Variants in RINL observed in about 807,000 individuals in gnomAD.
RINL encodes the protein Ras and Rab interactor like, also known as ras and Rab interactor-like protein.
A neutral mutation model predicts 58.1 loss-of-function variants in RINL; 39 were observed. The ratio of observed to expected loss-of-function variants is 0.67; its 90% CI spans 0.52 to 0.88. RINL has a LOEUF of 0.88. RINL is among the 40% of genes least tolerant of loss of function. The pLI, the probability that RINL is intolerant of heterozygous loss-of-function variation, is 0.00. For synonymous variants in RINL, 286 were observed against 323.1 expected (o/e 0.89, Z 1.23); for missense variants, 711 against 749.2 (o/e 0.95, Z 0.60).
chr19:38,873,547 G>T (rs761113438), intron 4 of RINL: 27 of 180,832 alleles, frequency 1.5e-4, no homozygotes, highest in Non-Finnish European at 2.5e-4. Flanking sequence ...TTTTGTTTTG[G>T]CAGGGTTTCC....
chr19:38,869,820 G>C lies in RINL; in HGVS notation c.1343-116C>G. 6.5e-7 allele frequency: 1 copy of C among 1,544,104 alleles called. No homozygotes were observed. The highest frequency in any genetic ancestry group is 8.8e-7 in the Non-Finnish European group (1 of 1,139,872). On this transcript the variant is annotated intron_variant, in intron 9 of 11. Transcript: ENST00000591812. The surrounding 1 kb of genome is among the most constrained non-coding windows in gnomAD (Gnocchi z 5.7). ...GCTGCCCCTCCACCTTGTCGGGCAT[G>C]ACAGCGCCTCCTACCAGAATCTTCA...
Position 38,869,296 on chromosome 19 carries a change from T to C in RINL, c.1589A>G (p.Gln530Arg), listed in dbSNP as rs1163435007. 6.2e-7 allele frequency: 1 copy of C among 1,614,100 alleles called. No individual in the cohort carries two copies. Among genetic ancestry groups the C allele is most frequent in the African/African-American group, 1.3e-5 (1 of 75,026 alleles). The change falls in exon 11 of 12, where the codon CAG (glutamine) becomes CGG (arginine). Residue 530 changes from glutamine (Q) to arginine (R), a missense_variant. Physicochemically the swap from Gln to Arg is conservative, Grantham distance 43. Coordinates refer to ENST00000591812, the MANE Select transcript of RINL (RefSeq NM_001195833.2). This position sits in a 1 kb window ranked among gnomAD's most constrained non-coding sequence, Gnocchi z 5.7. ...GTGCAGCGTCCGCCTGCGGTGCCAC[T>C]GGTGCAGGGAGGCGCGGGCCTCGGA... ...LSSEARASLH[Q>R]WHRRRTLHRK... is the part of the protein sequence containing the mutation.
chr19:38,871,315 C>A, intron 6 of RINL, 88 bp from the exon 7 acceptor site: 1 of 1,463,076 alleles, frequency 6.8e-7, no homozygotes, highest in Non-Finnish European at 9.5e-7. Context: ...TACTTCCCAG[C>A]TTCATTGCTG....
At chr19:38,871,732 G>A (rs759779075) in intron 5 of RINL, 21 bp from the exon 6 acceptor site, 3 of 1,613,884 alleles carry the variant, frequency 1.9e-6, no homozygotes, top group Non-Finnish European at 1.7e-6. Context: ...AGAGGTGGGA[G>A]CCACAGTGTC....
At chr19:38,872,344 G>C (rs1300822460) in intron 4 of RINL, among the ~76,000 whole-genome samples, 1 of 151,784 alleles carries the variant, frequency 6.6e-6, no homozygotes, top group African/African-American at 2.4e-5. Context: ...AAATTAGCTG[G>C]GCATGGTGGT....
At chr19:38,871,940 C>T in intron 4 of RINL, 70 bp from the exon 5 acceptor site, 1 of 1,177,146 alleles carries the variant, frequency 8.5e-7, no homozygotes. Context: ...CTGGGATGCT[C>T]TTGCTCCTCC....
At position 38,870,714 on chromosome 19, in the gene RINL, C is replaced by T; in HGVS notation, c.880G>A (p.Gly294Arg). The T allele has an allele frequency of 6.2e-7, 1 of 1,613,598 alleles. No homozygotes were observed. Among genetic ancestry groups the T allele is most frequent in the Non-Finnish European group, 8.5e-7 (1 of 1,179,942 alleles). ...AGCTCCGTGGCCGGGTCCCCAGACC[C>T]GTGGGGACCCCCAGAATCTGAGGCG... ...RIASDSGGPH[G>R]SGDPATELLQ... The change falls in exon 8 of 12, where the codon GGG becomes AGG. Residue 294 changes from glycine to arginine, a missense_variant. Transcript: ENST00000591812. This position sits in a 1 kb window ranked among gnomAD's most constrained non-coding sequence, Gnocchi z 5.8.
At position 38,869,458 on chromosome 19, in the gene RINL, C is replaced by T. The variant is rs890496471; in HGVS notation, c.1475-48G>A. 8 of 1,572,876 alleles carry T rather than the reference C, an allele frequency of 5.1e-6. No individual in the cohort carries two copies. The highest frequency in any genetic ancestry group is 1.8e-5 in the Admixed American group (1 of 56,262). ...GCTCCGCCCTCTCGGCTTCCCTGGT[C>T]GCCCCAAATCCCCCTGCAGTTTGCC... is the stretch of plus-strand genomic sequence containing the variant. On this transcript the variant is annotated intron_variant, in intron 10 of 11. Transcript: ENST00000591812. This position sits in a 1 kb window ranked among gnomAD's most constrained non-coding sequence, Gnocchi z 5.7.
In RINL at chr19:38,871,166, G is replaced by T. The variant is rs1398905168; in HGVS notation, c.513C>A (p.Asn171Lys). 10 of 1,614,016 alleles carry T rather than the reference G, an allele frequency of 6.2e-6. No homozygotes were observed. Among genetic ancestry groups the T allele is most frequent in the Non-Finnish European group, 8.5e-6 (10 of 1,179,962 alleles). ...DTPGKVLSIV[N>K]QLYLETHRGW... The stretch of plus-strand genomic sequence containing the variant: ...CTCTGTGGGTCTCCAGGTAGAGCTG[G>T]TTCACAATGGAAAGCACCTTCCCTG... The change falls in exon 7 of 12, where the codon AAC becomes AAA. Residue 171 changes from asparagine to lysine, a missense_variant. Asn to Lys is a moderately conservative substitution (Grantham distance 94, BLOSUM62 0). Transcript: ENST00000591812.
intron 1 of RINL, among the ~76,000 whole-genome samples, chr19:38,877,749 AG>A (rs1443976729): frequency 1.3e-5 from 2 of 152,132 alleles, no homozygotes; most frequent in Non-Finnish European, 2.9e-5. Flanking sequence ...CAGCAGTCCC[AG>A]GAGCAGGAGA....
At chr19:38,871,594 G>A (rs1362200991) in intron 6 of RINL, 53 bp downstream of exon 6, 11 of 1,528,782 alleles carry the variant, frequency 7.2e-6, no homozygotes, top group Non-Finnish European at 8.1e-6. Flanking sequence ...CATTCCCTTG[G>A]AGCAAGGAAA....
intron 1 of RINL, 34 bp from the exon 2 acceptor site, chr19:38,876,815 C>G (rs983638231): frequency 8.2e-7 from 1 of 1,224,916 alleles, no homozygotes; most frequent in Non-Finnish European, 1.2e-6. Flanking sequence ...CAAAGCTGCT[C>G]TAGCCCTCGG....
Position 38,868,984 on chromosome 19 carries a change from T to G in RINL, c.*120A>C. The G allele has an allele frequency of 3.9e-6, 3 of 772,776 alleles. No individual in the cohort carries two copies. The highest frequency in any genetic ancestry group is 2.7e-5 in the East Asian group (1 of 36,406). The allele number at this position is 772,776 out of a possible 1,614,324, so 47.9% of individuals were successfully genotyped here. A position where few individuals can be genotyped will look rare whatever the true frequency, so the allele number is the denominator to read the frequency against. On this transcript the variant is annotated 3_prime_UTR_variant, in exon 12 of 12. Transcript: ENST00000591812. ...AATTTTTGTTTTTTTTTTTTTTTGG[T>G]AGATGGGGGTCCCACTGTTTTGCCC...
At chr19:38,876,908 G>A in intron 1 of RINL, 127 bp from the exon 2 acceptor site, 2 of 610,426 alleles carry the variant, frequency 3.3e-6, no homozygotes, top group South Asian at 1.9e-5. Context: ...GCCGTGGCAG[G>A]GGTTAATTCT....
At chr19:38,877,817 T>TTCCA (rs1568390792) in intron 1 of RINL, among the ~76,000 whole-genome samples, 2 of 148,694 alleles carry the variant, frequency 1.3e-5, no homozygotes, top group African/African-American at 4.9e-5. Flanking sequence ...CCTTCCTTCC[T>TTCCA]TCCATCCATC....
chr19:38,871,771 T>G (rs977700715), intron 5 of RINL, 27 bp downstream of exon 5: 7 of 1,612,866 alleles, frequency 4.3e-6, no homozygotes, highest in Non-Finnish European at 5.9e-6. Flanking sequence ...AGGGTCCCCC[T>G]TAGTGCCTCA....
chr19:38,871,456 A>G, intron 6 of RINL, 191 bp downstream of exon 6: 1 of 683,798 alleles, frequency 1.5e-6, no homozygotes, highest in South Asian at 1.9e-5. Context: ...CTCCTCTGTT[A>G]GGACCTAGGA....
In RINL at chr19:38,876,475, C is replaced by T. The variant is rs1208929602; in HGVS notation, c.66G>A (p.Gln22=). 3 of 1,535,940 alleles carry T rather than the reference C, an allele frequency of 2.0e-6. No homozygotes were observed. The highest frequency in any genetic ancestry group is 2.4e-5 in the East Asian group (1 of 40,920). ...GAGGGGTCCTGTCTGCTTTGTTCAC[C>T]TGTGGTGGGACCAGCCTGGGATGGA... The part of the protein sequence containing the change: ...PTEGVRLVPP[Q]VNKADRTPLG... Residue 22 remains glutamine, a synonymous_variant, in exon 3 of 12, where the codon CAG becomes CAA. Coordinates refer to ENST00000591812, the MANE Select transcript of RINL (RefSeq NM_001195833.2).
At position 38,870,522 on chromosome 19, in the gene RINL, A is replaced by C; in HGVS notation, c.1024+48T>G. On this transcript the variant is annotated intron_variant, in intron 8 of 11. Coordinates refer to ENST00000591812, the MANE Select transcript of RINL (RefSeq NM_001195833.2). The surrounding 1 kb of genome is among the most constrained non-coding windows in gnomAD (Gnocchi z 5.8). ...GTGTGCGCACCGATGGAGAGGACGA[A>C]GTTGCACACTTGAACCCGTGGGGGC... is the stretch of plus-strand genomic sequence containing the variant. 6.6e-7 allele frequency: 1 copy of C among 1,508,528 alleles called. No homozygotes were observed. The highest frequency in any genetic ancestry group is 8.9e-7 in the Non-Finnish European group (1 of 1,129,262). 93.4% of individuals were successfully genotyped at this position (1,508,528 alleles called of 1,614,324 possible).
Sources: allele counts gnomAD v4.1 joint callset (sites outside exome capture counted in the v4.1 genomes callset), GRCh38; gene constraint gnomAD v4.1.1; non-coding constraint Gnocchi (gnomAD v3.1); transcripts MANE v1.5; gene names NCBI Gene and HGNC (gene_info 2026-07-23, HGNC 2026-07-21).